Variants in ZNF831 observed in about 807,000 individuals in gnomAD.
ZNF831 encodes the protein zinc finger protein 831, also known as chromosome 20 open reading frame 174.
Under a neutral mutation model 95.8 loss-of-function variants are expected in ZNF831, and 59 were observed. That is an observed-to-expected ratio of 0.62 (90% CI 0.50 to 0.77). ZNF831 has a LOEUF of 0.77. Among genes scored for constraint, ZNF831 ranks in the 30% least tolerant of loss-of-function variants. ZNF831 has a pLI of 0.00. For synonymous variants in ZNF831, 961 were observed against 925.5 expected (o/e 1.04, Z -0.70); for missense variants, 2,205 against 2,164.0 (o/e 1.02, Z -0.38).
At chr20:59,230,320 AAATT>A (rs972455087) in intron 4 of ZNF831, among the ~76,000 whole-genome samples, 1 of 152,088 alleles carries the variant, frequency 6.6e-6, no homozygotes, top group Non-Finnish European at 1.5e-5. Flanking sequence ...AAAAATACAA[AAATT>A]AGCTGGGCAT....
At chr20:59,224,327 G>A (rs975496602) in intron 4 of ZNF831, among the ~76,000 whole-genome samples, 6 of 152,152 alleles carry the variant, frequency 3.9e-5, no homozygotes, top group African/African-American at 1.4e-4. Context: ...CCTCTTCCAA[G>A]CTGACTTCTC....
At chr20:59,234,695 C>T (rs2039530199) in intron 4 of ZNF831, among the ~76,000 whole-genome samples, 1 of 152,170 alleles carries the variant, frequency 6.6e-6, no homozygotes, top group Admixed American at 6.5e-5. Flanking sequence ...AAACACAAAT[C>T]CCTTCCCCAA....
intron 4 of ZNF831, among the ~76,000 whole-genome samples, chr20:59,244,180 G>A (rs1251567449): frequency 6.6e-6 from 1 of 151,368 alleles, no homozygotes; most frequent in Non-Finnish European, 1.5e-5. Flanking sequence ...TGGTTTCTGG[G>A]AAAAAAAACA....
rs1986130706 is a variant in ZNF831 at position 59,222,283 on chromosome 20, CCGGG to C, written c.4027+15235_4027+15238del. On this transcript the variant is annotated intron_variant, in intron 4 of 5. Coordinates refer to ENST00000371030, the MANE Select transcript of ZNF831 (RefSeq NM_178457.3). Reference sequence around the variant, plus strand: ...AAGCCTCGGGAAGGCTGCAGGGTGCCCGGGCGGGCGGCGGGGTGGGTGCGGACCC... The same window carrying C: ...AAGCCTCGGGAAGGCTGCAGGGTGCCCGGGCGGCGGGGTGGGTGCGGACCC... Among the ~76,000 whole-genome samples the C allele has an allele frequency of 3.9e-5, 6 of 152,260 alleles. No individual in the cohort carries two copies. In the South Asian group the frequency reaches 1.2e-3, roughly 31 times the overall value.
intron 1 of ZNF831, among the ~76,000 whole-genome samples, chr20:59,183,014 C>T (rs1323920417): frequency 6.6e-6 from 1 of 152,124 alleles, no homozygotes; most frequent in African/African-American, 2.4e-5. Flanking sequence ...TCCTGGCTGG[C>T]CTAGATGCAC....
intron 1 of ZNF831, among the ~76,000 whole-genome samples, chr20:59,143,960 T>C (rs186850562): frequency 1.4e-4 from 21 of 152,342 alleles, no homozygotes; most frequent in Non-Finnish European, 1.9e-4. Context: ...TAATTACCAG[T>C]GATTATCCGC....
chr20:59,253,864 C>CCA, intron 5 of ZNF831, 34 bp from the exon 6 acceptor site: 2 of 1,118,294 alleles, frequency 1.8e-6, no homozygotes, highest in Non-Finnish European at 2.4e-6. Context: ...TAACCTCCCC[C>CCA]CCCACTTTTT....
At chr20:59,183,911 A>G (rs1350521868) in intron 1 of ZNF831, among the ~76,000 whole-genome samples, 1 of 152,072 alleles carries the variant, frequency 6.6e-6, no homozygotes, top group Non-Finnish European at 1.5e-5. Context: ...CAAAGTCCAT[A>G]GTCTACACTA....
chr20:59,147,680 T>A (rs6026727), intron 2 of ZNF831, among the ~76,000 whole-genome samples: 18,658 of 152,268 alleles, frequency 0.12, 1,245 homozygotes, highest in African/African-American at 0.16. Context: ...TGATTTTGAC[T>A]AATCAGATAT....
intron 1 of ZNF831, among the ~76,000 whole-genome samples, chr20:59,125,302 C>G (rs544674560): frequency 3.3e-5 from 5 of 152,226 alleles, no homozygotes; most frequent in African/African-American, 1.2e-4. Context: ...TGAAATAATA[C>G]AAAGTCCTTA....
intron 4 of ZNF831, among the ~76,000 whole-genome samples, chr20:59,222,879 G>A (rs905995901): frequency 1.1e-4 from 16 of 152,208 alleles, no homozygotes; most frequent in African/African-American, 3.4e-4. Flanking sequence ...GTAGAACCAA[G>A]GGAGCAGGCT....
intron 4 of ZNF831, among the ~76,000 whole-genome samples, chr20:59,249,428 G>A (rs1268007725): frequency 6.6e-6 from 1 of 152,066 alleles, no homozygotes; most frequent in African/African-American, 2.4e-5. Context: ...ATCACAATAG[G>A]CGTCTGCTTC....
intron 2 of ZNF831, among the ~76,000 whole-genome samples, chr20:59,152,372 G>A (rs76169788): frequency 0.015 from 2,288 of 152,202 alleles, 25 homozygotes; most frequent in Non-Finnish European, 0.021. Context: ...AGGAGGCAGC[G>A]AGTAGGTGGA....
intron 4 of ZNF831, 33 bp from the exon 5 acceptor site, chr20:59,252,945 C>G (rs1281457833): frequency 6.2e-7 from 1 of 1,600,404 alleles, no homozygotes; most frequent in East Asian, 2.2e-5. Context: ...TTTATAATTC[C>G]AGTCATATGT....
In ZNF831 at chr20:59,250,156, G is replaced by T. The variant is rs192586340; in HGVS notation, c.4028-2822G>T. On this transcript the variant is annotated intron_variant, in intron 4 of 5. Coordinates refer to ENST00000371030, the MANE Select transcript of ZNF831 (RefSeq NM_178457.3). ...CCCTCACCCTTGGAGAAGACTAGGG[G>T]CTTAGTCTCTGGACAGCATACAAAA... is the stretch of plus-strand genomic sequence containing the variant. Among the ~76,000 whole-genome samples, 152 of 152,310 alleles carry T rather than the reference G, an allele frequency of 1.0e-3. No individual in the cohort carries two copies. In the South Asian group the frequency reaches 0.011, roughly 11 times the overall value.
At position 59,192,132 on chromosome 20, in the gene ZNF831, C is replaced by A. The variant is rs1307974576; in HGVS notation, c.1113C>A (p.Ala371=). 4.5e-6 allele frequency: 7 copies of A among 1,569,722 alleles called. No homozygotes were observed. The highest frequency in any genetic ancestry group is 4.3e-6 in the Non-Finnish European group (5 of 1,164,006). ...TGCACAGCCTTTCGGAGCACAGCGC[C>A]GAGTCCGAGGGGGAGGGCGGCCCGG... ...SPLHSLSEHS[A]ESEGEGGPGP... Residue 371 remains alanine, a synonymous_variant, in exon 2 of 6, where the codon GCC becomes GCA. Transcript: ENST00000371030. This position sits in a 1 kb window ranked among gnomAD's most constrained non-coding sequence, Gnocchi z 5.2.
At position 59,254,015 on chromosome 20, in the gene ZNF831, C is replaced by A. The variant is rs954870293; in HGVS notation, c.4306C>A (p.Pro1436Thr). The A allele has an allele frequency of 2.5e-6, 4 of 1,614,114 alleles. 1 individual carries two copies. In the Admixed American group the frequency reaches 5.0e-5, roughly 20 times the overall value. Reference sequence around the variant, plus strand: ...GGCAGTGGTTAATGACGTGCCTCTACCCCCTGGCAAAGGTCTTGACCTTGG... The same window carrying A: ...GGCAGTGGTTAATGACGTGCCTCTAACCCCTGGCAAAGGTCTTGACCTTGG... ...CLAVVNDVPL[P>T]PGKGLDLGLL... The change falls in exon 6 of 6, where the codon CCC becomes ACC. Residue 1436 changes from proline (P) to threonine (T), a missense_variant. Transcript: ENST00000371030. This position sits in a 1 kb window ranked among gnomAD's most constrained non-coding sequence, Gnocchi z 4.5.
At chr20:59,205,458 A>G (rs954064370) in intron 3 of ZNF831, among the ~76,000 whole-genome samples, 1 of 152,204 alleles carries the variant, frequency 6.6e-6, no homozygotes, top group Non-Finnish European at 1.5e-5. Context: ...AGGGGAGGCA[A>G]TCATGCCCAG....
chr20:59,171,530 G>A (rs993898049), intron 1 of ZNF831, among the ~76,000 whole-genome samples: 2 of 152,206 alleles, frequency 1.3e-5, no homozygotes, highest in South Asian at 2.1e-4. Context: ...TCACTTGTTC[G>A]AAATGAGCAG....
Sources: gnomAD v4.1 joint callset for allele counts (sites outside exome capture counted in the v4.1 genomes callset) on GRCh38, gnomAD v4.1.1 for gene constraint, Gnocchi (gnomAD v3.1) non-coding constraint, MANE v1.5 for transcripts, NCBI Gene and HGNC (gene_info 2026-07-23, HGNC 2026-07-21) for gene names.